Variants in PSD3 observed in about 807,000 individuals in gnomAD.
PSD3 encodes pleckstrin and Sec7 domain containing 3, also known as PH and SEC7 domain-containing protein 3.
PSD3 carries 49 observed loss-of-function variants against 105.5 expected under a neutral mutation model. The observed-to-expected ratio is 0.46, with a 90% confidence interval of 0.37 to 0.59. The LOEUF is 0.59. Ranked by LOEUF, PSD3 falls within the 20% of genes least tolerant of loss-of-function variation. PSD3 has a pLI of 0.00. For synonymous variants in PSD3, 557 were observed against 457.8 expected, an observed-to-expected ratio of 1.22 and a Z score of -2.77; for missense variants, 1,561 against 1,263.8, an observed-to-expected ratio of 1.24 and a Z score of -3.57.
chr8:18,734,948 T>C (rs1278065252), intron 9 of PSD3, among the ~76,000 whole-genome samples: 1 of 152,168 alleles, frequency 6.6e-6, no homozygotes, highest in East Asian at 1.9e-4. Context: ...AAAATTCTAC[T>C]GTTAAAGGGA....
intron 9 of PSD3, among the ~76,000 whole-genome samples, chr8:18,731,411 T>A (rs1803741071): frequency 6.6e-6 from 1 of 152,220 alleles, no homozygotes; most frequent in South Asian, 2.1e-4. Context: ...ATTCTGCCAA[T>A]TAAGAAAGGC....
chr8:18,773,121 T>C (rs1331821352), intron 8 of PSD3, among the ~76,000 whole-genome samples: 2 of 152,208 alleles, frequency 1.3e-5, no homozygotes, highest in Non-Finnish European at 2.9e-5. Context: ...TTTTCCCCTA[T>C]GTTTTTTCTC....
chr8:18,785,666 G>A (rs1243340231), intron 8 of PSD3, among the ~76,000 whole-genome samples: 1 of 152,132 alleles, frequency 6.6e-6, no homozygotes, highest in Non-Finnish European at 1.5e-5. Flanking sequence ...GGTGCAAGAG[G>A]CCTAGCTTCT....
chr8:19,009,452 G>C (rs1826855349), intron 1 of PSD3, among the ~76,000 whole-genome samples: 1 of 152,134 alleles, frequency 6.6e-6, no homozygotes, highest in South Asian at 2.1e-4. Flanking sequence ...CCTGACTTCA[G>C]AATGGAAATA....
intron 12 of PSD3, among the ~76,000 whole-genome samples, chr8:18,591,034 TC>T (rs1803564875): frequency 6.6e-6 from 1 of 152,154 alleles, no homozygotes; most frequent in African/African-American, 2.4e-5. Context: ...AGCTCCCATC[TC>T]CCCAATAAAA....
intron 2 of PSD3, among the ~76,000 whole-genome samples, chr8:18,906,677 T>A (rs543101971): frequency 1.3e-5 from 2 of 152,210 alleles, no homozygotes; most frequent in Admixed American, 1.3e-4. Context: ...CTAAGAAAAA[T>A]TAGCATAAGA....
At chr8:18,864,435 C>A (rs1816676516) in intron 4 of PSD3, among the ~76,000 whole-genome samples, 1 of 152,214 alleles carries the variant, frequency 6.6e-6, no homozygotes, top group East Asian at 1.9e-4. Flanking sequence ...ATATGACACA[C>A]AATTATGTTC....
At chr8:18,868,605 G>A (rs1402852552) in intron 3 of PSD3, among the ~76,000 whole-genome samples, 3 of 152,072 alleles carry the variant, frequency 2.0e-5, no homozygotes, top group African/African-American at 4.8e-5. Context: ...GAGATTTCAC[G>A]TCCAAAATTA....
intron 4 of PSD3, chr8:18,864,802 G>T (rs768073): frequency 4.0e-5 from 6 of 151,804 alleles, no homozygotes; most frequent in African/African-American, 1.5e-4. Flanking sequence ...CTGAAGGACA[G>T]GCTTAATACC....
intron 2 of PSD3, among the ~76,000 whole-genome samples, chr8:18,903,019 A>C (rs1819608813): frequency 6.6e-6 from 1 of 151,888 alleles, no homozygotes; most frequent in African/African-American, 2.4e-5. Flanking sequence ...AATCTTGTGA[A>C]CCTCCTGTGG....
chr8:19,008,209 T>G (rs902037912), intron 1 of PSD3, among the ~76,000 whole-genome samples: 6 of 152,088 alleles, frequency 3.9e-5, no homozygotes, highest in African/African-American at 1.4e-4. Flanking sequence ...AGACCTTTTG[T>G]AGCCACTAGA....
chr8:18,793,316 TATA>T (rs1809903216), intron 8 of PSD3, among the ~76,000 whole-genome samples: 1 of 136,598 alleles, frequency 7.3e-6, no homozygotes, highest in Non-Finnish European at 1.6e-5. Flanking sequence ...GAACTTAAAG[TATA>T]ATAACAAAAT....
At position 18,996,830 on chromosome 8, in the gene PSD3, T is replaced by A. The variant is rs113667062; in HGVS notation, c.21+16733A>T. On this transcript the variant is annotated intron_variant, in intron 1 of 15. Transcript: ENST00000327040. ...CTGATCAACATTTGGTCCCCACTAC[T>A]ACACTATAATCCCAGTTGGTTATCA... Among the ~76,000 whole-genome samples the A allele has an allele frequency of 2.9e-3, 436 of 152,028 alleles. 9 individuals are homozygous for A. The highest frequency in any genetic ancestry group is 5.2e-3 in the Non-Finnish European group (352 of 67,960).
intron 2 of PSD3, among the ~76,000 whole-genome samples, chr8:18,923,826 T>C (rs773822611): frequency 3.3e-5 from 5 of 150,232 alleles, no homozygotes; most frequent in Non-Finnish European, 5.9e-5. Flanking sequence ...CCAAAGCTGA[T>C]TTGATCCTAC....
intron 15 of PSD3, among the ~76,000 whole-genome samples, chr8:18,550,496 G>T (rs1207754805): frequency 6.6e-6 from 1 of 152,128 alleles, no homozygotes; most frequent in Non-Finnish European, 1.5e-5. Flanking sequence ...TTATATCCCA[G>T]ATAAACCCAT....
At chr8:18,926,220 CCA>C (rs1821352730) in intron 2 of PSD3, among the ~76,000 whole-genome samples, 1 of 151,828 alleles carries the variant, frequency 6.6e-6, no homozygotes, top group Non-Finnish European at 1.5e-5. Flanking sequence ...TGCCACACAA[CCA>C]CAGACTGTCC....
chr8:18,697,867 T>G (rs1801345896), intron 9 of PSD3, among the ~76,000 whole-genome samples: 1 of 152,256 alleles, frequency 6.6e-6, no homozygotes, highest in African/African-American at 2.4e-5. Context: ...AAAATCCATT[T>G]CATCGTTGCA....
At chr8:18,839,645 G>T (rs774233352) in intron 4 of PSD3, among the ~76,000 whole-genome samples, 1 of 152,128 alleles carries the variant, frequency 6.6e-6, no homozygotes, top group East Asian at 1.9e-4. Flanking sequence ...TTCCTCAGAA[G>T]GTTTTGCAGC....
At chr8:18,568,693 G>C (rs1184317537) in intron 14 of PSD3, among the ~76,000 whole-genome samples, 1 of 120,458 alleles carries the variant, frequency 8.3e-6, no homozygotes, top group East Asian at 2.5e-4. Context: ...GCTTCTAGTA[G>C]TACCTTCTTC....
Sources: allele counts gnomAD v4.1 joint callset (sites outside exome capture counted in the v4.1 genomes callset), GRCh38; gene constraint gnomAD v4.1.1; transcripts MANE v1.5; gene names NCBI Gene and HGNC (gene_info 2026-07-23, HGNC 2026-07-21).